CCDC7: variants seen among roughly 807,000 people sequenced by gnomAD.
The protein encoded by CCDC7 is coiled-coil domain-containing protein 7.
A neutral mutation model predicts 196.9 loss-of-function variants in CCDC7; 183 were observed. That is an observed-to-expected ratio of 0.93 (90% confidence interval 0.82 to 1.05). The LOEUF is 1.05. Among genes scored for constraint, CCDC7 ranks in the 50% least tolerant of loss-of-function variants. The pLI is 0.00. For missense variants in CCDC7, 1,540 were observed against 1,482.2 expected, an observed-to-expected ratio of 1.04 and a Z score of -0.64; for synonymous variants, 525 against 484.6, an observed-to-expected ratio of 1.08 and a Z score of -1.10.
chr10:32,475,077 C>A (rs1333823809), intron 8 of CCDC7, among the ~76,000 whole-genome samples: 1 of 152,180 alleles, frequency 6.6e-6, no homozygotes, highest in Non-Finnish European at 1.5e-5. Flanking sequence ...ATAGTGAAAA[C>A]CTCTGTATAC....
intron 26 of CCDC7, among the ~76,000 whole-genome samples, chr10:32,727,527 G>A (rs189149558): frequency 2.6e-5 from 4 of 151,938 alleles, no homozygotes; most frequent in African/African-American, 9.7e-5. Flanking sequence ...TTAATCATAG[G>A]GTCTTCAATG....
At chr10:32,531,488 G>A (rs1269818638) in intron 11 of CCDC7, among the ~76,000 whole-genome samples, 2 of 152,170 alleles carry the variant, frequency 1.3e-5, no homozygotes, top group Non-Finnish European at 2.9e-5. Flanking sequence ...TTACATCTAT[G>A]TTCATCAGTC....
At chr10:32,726,424 A>G (rs984760237) in intron 25 of CCDC7, among the ~76,000 whole-genome samples, 5 of 151,994 alleles carry the variant, frequency 3.3e-5, no homozygotes, top group Non-Finnish European at 7.4e-5. Context: ...ACAAATTTTT[A>G]TTGTTTGGTC....
chr10:32,482,091 C>T (rs2040062003), intron 8 of CCDC7, among the ~76,000 whole-genome samples: 1 of 151,744 alleles, frequency 6.6e-6, no homozygotes, highest in Non-Finnish European at 1.5e-5. Context: ...AAGCTTTCTG[C>T]CCCTTTTTCT....
rs71030014 is a variant in CCDC7, at chr10:32,828,439, GAGAAGAAGA to G, written c.3268+3854_3268+3862del. On this transcript the variant is annotated intron_variant, in intron 32 of 41. Coordinates refer to ENST00000639629, the Ensembl canonical transcript of CCDC7. ...AGGAGAAGAAGAAGAAGGAAGGAAG[GAGAAGAAGA>G]AGAAGAAGAAGAAGAAGAGGAAGAG... 9.3e-4 allele frequency among the ~76,000 whole-genome samples: 53 copies of G among 56,830 alleles called. 2 individuals carry two copies. The highest frequency in any genetic ancestry group is 1.8e-3 in the East Asian group (3 of 1,640). The allele number at this position is 56,830 out of a possible 152,430, so 37.3% of individuals were successfully genotyped here.
intron 28 of CCDC7, among the ~76,000 whole-genome samples, chr10:32,731,912 G>T (rs10827117): frequency 0.14 from 21,066 of 152,130 alleles, 1,770 homozygotes; most frequent in East Asian, 0.25. Flanking sequence ...AATTAGCGGC[G>T]CATGGTGGCA....
exon 40 of CCDC7, chr10:32,851,914 C>A: frequency 6.2e-7 from 1 of 1,601,894 alleles, no homozygotes; most frequent in African/African-American, 1.3e-5. Flanking sequence ...CCTTCCTTTA[C>A]TGAATCAACT....
intron 9 of CCDC7, among the ~76,000 whole-genome samples, chr10:32,501,888 T>A (rs1304197935): frequency 6.6e-6 from 1 of 152,168 alleles, no homozygotes; most frequent in African/African-American, 2.4e-5. Flanking sequence ...GAACTGCTCC[T>A]CTCTTCGGAG....
rs913763203 is a variant in CCDC7 at position 32,751,485 on chromosome 10, C to T, written c.2905+22028C>T. ...TTGAGCACCAGGAAGAATGCTTTTG[C>T]ATGGAGCTTGCTTAATGAAAGTCAT... On this transcript the variant is annotated intron_variant, in intron 28 of 41. Coordinates refer to ENST00000639629, the Ensembl canonical transcript of CCDC7. Among the ~76,000 whole-genome samples, 3 of 151,974 alleles carry T rather than the reference C, an allele frequency of 2.0e-5. No individual in the cohort carries two copies. In the South Asian group the frequency reaches 6.2e-4, roughly 32 times the overall value.
chr10:32,811,713 T>G (rs1278112675), intron 30 of CCDC7, among the ~76,000 whole-genome samples: 2 of 151,996 alleles, frequency 1.3e-5, no homozygotes, highest in Non-Finnish European at 2.9e-5. Flanking sequence ...TCTCTGTAAC[T>G]CAGTCTACAA....
chr10:32,498,815 A>ATT (rs144257479), intron 9 of CCDC7, among the ~76,000 whole-genome samples: 33 of 140,972 alleles, frequency 2.3e-4, no homozygotes, highest in South Asian at 6.8e-4. Flanking sequence ...TGCCCTTAAC[A>ATT]TTTTTTTTTT....
chr10:32,804,697 T>G (rs934403532), intron 29 of CCDC7, among the ~76,000 whole-genome samples: 1 of 152,162 alleles, frequency 6.6e-6, no homozygotes, highest in African/African-American at 2.4e-5. Context: ...ATATTTTAAT[T>G]TTGCGTTACA....
chr10:32,640,121 G>A (rs2066454373), intron 20 of CCDC7, among the ~76,000 whole-genome samples: 2 of 152,150 alleles, frequency 1.3e-5, no homozygotes, highest in Non-Finnish European at 1.5e-5. Flanking sequence ...TCGTCGATCT[G>A]TCTAATGTTG....
At chr10:32,666,955 C>A (rs1457301388) in intron 21 of CCDC7, among the ~76,000 whole-genome samples, 4 of 151,966 alleles carry the variant, frequency 2.6e-5, no homozygotes, top group Admixed American at 1.3e-4. Flanking sequence ...TGCCACACTG[C>A]CTTCCACAAT....
chr10:32,531,475 T>G (rs2049649114), intron 11 of CCDC7, among the ~76,000 whole-genome samples: 1 of 152,178 alleles, frequency 6.6e-6, no homozygotes, highest in Non-Finnish European at 1.5e-5. Context: ...TTGTTGCAGA[T>G]TTTTACATCT....
At position 32,745,544 on chromosome 10, in the gene CCDC7, A is replaced by T. The variant is rs189459085; in HGVS notation, c.2905+16087A>T. On this transcript the variant is annotated intron_variant, in intron 28 of 41. Transcript: ENST00000639629. ...TCTATAGGAAACTAGTAGAATGAGAACTCACTGATTATTACTATGAGGGCA... is the reference window on the plus strand; with the variant it reads ...TCTATAGGAAACTAGTAGAATGAGATCTCACTGATTATTACTATGAGGGCA... 1.3e-3 allele frequency among the ~76,000 whole-genome samples: 196 copies of T among 152,112 alleles called. 1 individual carries two copies. Among genetic ancestry groups the T allele is most frequent in the Non-Finnish European group, 2.5e-3 (167 of 68,000 alleles).
chr10:32,728,831 A>G (rs2083488267), intron 26 of CCDC7, 56 bp from the exon 28 acceptor site: 3 of 913,846 alleles, frequency 3.3e-6, no homozygotes, highest in Non-Finnish European at 5.0e-6. Context: ...TGTACATATT[A>G]TACATTCATA....
intron 25 of CCDC7, among the ~76,000 whole-genome samples, chr10:32,716,329 A>C (rs2081574416): frequency 6.6e-6 from 1 of 152,166 alleles, no homozygotes; most frequent in South Asian, 2.1e-4. Flanking sequence ...AACAAAATCC[A>C]TTACAGACAA....
intron 28 of CCDC7, among the ~76,000 whole-genome samples, chr10:32,768,498 T>A (rs2078665687): frequency 6.6e-6 from 1 of 152,192 alleles, no homozygotes; most frequent in Non-Finnish European, 1.5e-5. Flanking sequence ...ATTGTCCTAT[T>A]TTGATGCCTT....
Sources: allele counts gnomAD v4.1 joint callset (sites outside exome capture counted in the v4.1 genomes callset), GRCh38; gene constraint gnomAD v4.1.1; transcripts MANE v1.5; gene names NCBI Gene and HGNC (gene_info 2026-07-23, HGNC 2026-07-21).